LIPI: variants seen among roughly 807,000 people sequenced by gnomAD.
LIPI encodes the protein lipase I.
A neutral mutation model predicts 50.6 loss-of-function variants in LIPI; 59 were observed. The observed-to-expected ratio is 1.16, with a 90% CI of 0.94 to 1.45. The LOEUF (loss-of-function observed/expected upper bound fraction) is 1.45. Ranked by LOEUF, LIPI falls within the 40% of genes most tolerant of loss-of-function variation. The pLI is 0.00. For missense variants in LIPI, 586 were observed against 536.3 expected (o/e 1.09, Z -0.92); for synonymous variants, 203 against 178.2 (o/e 1.14, Z -1.11).
chr21:14,159,212 A>G (rs2018379862), intron 7 of LIPI, among the ~76,000 whole-genome samples: 1 of 151,472 alleles, frequency 6.6e-6, no homozygotes, highest in South Asian at 2.1e-4. Flanking sequence ...AGAAAGGAAC[A>G]CTACTAACAA....
At chr21:14,162,227 T>C in intron 7 of LIPI, among the ~76,000 whole-genome samples, 2 of 151,244 alleles carry the variant, frequency 1.3e-5, no homozygotes, top group East Asian at 3.9e-4. Context: ...ATAAGCCAAT[T>C]AAAAAGGTCA....
intron 1 of LIPI, among the ~76,000 whole-genome samples, chr21:14,191,520 CT>C (rs35776076): frequency 0.25 from 38,257 of 151,584 alleles, 5,158 homozygotes; most frequent in Middle Eastern, 0.35. Flanking sequence ...TAAAAATAAA[CT>C]TTTTTTAAAA....
rs77520082 is a variant in LIPI at position 14,183,232 on chromosome 21, C to A, written c.542-1373G>T. Among the ~76,000 whole-genome samples the A allele has an allele frequency of 3.0e-3, 450 of 150,622 alleles. 4 individuals are homozygous for A. The highest frequency in any genetic ancestry group is 0.011 in the African/African-American group (436 of 41,308). On this transcript the variant is annotated intron_variant, in intron 3 of 9. Coordinates refer to ENST00000681601, the MANE Select transcript of LIPI (RefSeq NM_001302998.2). ...AAAAACAAGAAATGGGGAAAGGATT[C>A]CCTATTTAATAAATGGTGCTGGGAA...
At chr21:14,187,781 C>G (rs1017713923) in intron 2 of LIPI, among the ~76,000 whole-genome samples, 3 of 152,058 alleles carry the variant, frequency 2.0e-5, no homozygotes, top group Admixed American at 1.3e-4. Flanking sequence ...CTAAATGTCA[C>G]CCACTGATTA....
intron 4 of LIPI, among the ~76,000 whole-genome samples, chr21:14,178,968 C>T (rs149527807): frequency 0.011 from 1,719 of 152,194 alleles, 19 homozygotes; most frequent in Non-Finnish European, 0.017. Flanking sequence ...ACTCAGATAA[C>T]GAGAAGCTTT....
intron 4 of LIPI, among the ~76,000 whole-genome samples, chr21:14,169,047 G>T (rs1318714411): frequency 6.6e-6 from 1 of 151,994 alleles, no homozygotes; most frequent in Non-Finnish European, 1.5e-5. Context: ...AACAAAAAAA[G>T]GCAGGGGTTG....
intron 4 of LIPI, among the ~76,000 whole-genome samples, chr21:14,168,716 C>A (rs986351944): frequency 2.0e-5 from 3 of 152,150 alleles, no homozygotes; most frequent in Admixed American, 2.0e-4. Context: ...CTGAAGGAAG[C>A]ACTAAACATG....
intron 1 of LIPI, among the ~76,000 whole-genome samples, chr21:14,198,786 A>C (rs2019950099): frequency 6.6e-6 from 1 of 152,180 alleles, no homozygotes; most frequent in Admixed American, 6.6e-5. Context: ...AGATATCTCC[A>C]CATAAAACAA....
chr21:14,163,990 T>C (rs2018585641), intron 6 of LIPI, among the ~76,000 whole-genome samples: 1 of 150,726 alleles, frequency 6.6e-6, no homozygotes, highest in African/African-American at 2.4e-5. Flanking sequence ...ATATATGTAG[T>C]ATAGGTATAC....
At chr21:14,177,219 TA>T (rs2019127846) in intron 4 of LIPI, among the ~76,000 whole-genome samples, 1 of 152,116 alleles carries the variant, frequency 6.6e-6, no homozygotes, top group South Asian at 2.1e-4. Context: ...TCCATATTTT[TA>T]TTAGTTTATA....
intron 4 of LIPI, among the ~76,000 whole-genome samples, chr21:14,167,396 G>A (rs934798288): frequency 1.8e-4 from 28 of 152,170 alleles, no homozygotes; most frequent in African/African-American, 5.3e-4. Context: ...ATCTGAGAAC[G>A]GGCAGACTGT....
At chr21:14,200,727 C>T (rs988313264) in intron 1 of LIPI, among the ~76,000 whole-genome samples, 1 of 151,824 alleles carries the variant, frequency 6.6e-6, no homozygotes, top group African/African-American at 2.4e-5. Context: ...TATTAAACTA[C>T]CATTGAGAGT....
At chr21:14,178,154 T>C (rs974529518) in intron 4 of LIPI, among the ~76,000 whole-genome samples, 6 of 152,148 alleles carry the variant, frequency 3.9e-5, no homozygotes, top group Non-Finnish European at 7.4e-5. Flanking sequence ...CTATCATACA[T>C]CTCAATGGAG....
intron 7 of LIPI, among the ~76,000 whole-genome samples, chr21:14,161,424 A>T (rs988040622): frequency 3.5e-5 from 5 of 141,598 alleles, no homozygotes; most frequent in African/African-American, 1.3e-4. Context: ...TATATACATG[A>T]GTATAATATC....
At chr21:14,206,847 A>G in intron 1 of LIPI, 1 of 1,611,972 alleles carries the variant, frequency 6.2e-7, no homozygotes, top group East Asian at 2.2e-5. Flanking sequence ...AAGCCACAGG[A>G]CATTTCTGGG....
At chr21:14,129,446 T>C (rs1462593907) in intron 9 of LIPI, among the ~76,000 whole-genome samples, 1 of 152,086 alleles carries the variant, frequency 6.6e-6, no homozygotes, top group Non-Finnish European at 1.5e-5. Context: ...CCACAACAGT[T>C]AGTGAAAATA....
intron 1 of LIPI, among the ~76,000 whole-genome samples, chr21:14,193,242 T>C (rs2019737030): frequency 6.6e-6 from 1 of 151,840 alleles, no homozygotes; most frequent in Non-Finnish European, 1.5e-5. Context: ...CTATAGAATA[T>C]TTAAGAAAGA....
intron 9 of LIPI, among the ~76,000 whole-genome samples, chr21:14,113,201 A>G (rs1005865419): frequency 6.6e-6 from 1 of 152,260 alleles, no homozygotes; most frequent in African/African-American, 2.4e-5. Flanking sequence ...TCTAATTGAG[A>G]ATTACTAAGC....
chr21:14,193,150 G>A (rs1172127401), intron 1 of LIPI, among the ~76,000 whole-genome samples: 2 of 151,976 alleles, frequency 1.3e-5, no homozygotes, highest in Non-Finnish European at 2.9e-5. Context: ...TATGGTATTG[G>A]AGTTAAGTTA....
Sources: gnomAD v4.1 joint callset for allele counts (sites outside exome capture counted in the v4.1 genomes callset) on GRCh38, gnomAD v4.1.1 for gene constraint, MANE v1.5 for transcripts, NCBI Gene and HGNC (gene_info 2026-07-23, HGNC 2026-07-21) for gene names.